Variants in MAP4K4 observed in about 807,000 individuals in gnomAD.
MAP4K4 encodes mitogen-activated protein kinase kinase kinase kinase 4.
In MAP4K4, 38 loss-of-function variants were observed where a neutral mutation model predicts 189.6. The observed-to-expected ratio is 0.20, with a 90% confidence interval of 0.15 to 0.26. The LOEUF (loss-of-function observed/expected upper bound fraction) is 0.26. MAP4K4 is among the 10% of genes least tolerant of loss of function. The pLI is 1.00. For missense variants in MAP4K4, 1,054 were observed against 1,726.9 expected (o/e 0.61, Z 6.91); for synonymous variants, 610 against 624.3 (o/e 0.98, Z 0.34).
chr2:101,769,565 A>T (rs542902981), intron 2 of MAP4K4, among the ~76,000 whole-genome samples: 22 of 152,006 alleles, frequency 1.4e-4, no homozygotes, highest in African/African-American at 5.1e-4. Flanking sequence ...TGTTCTTATG[A>T]TGCTCATCCA....
intron 2 of MAP4K4, among the ~76,000 whole-genome samples, chr2:101,699,507 G>A (rs574267556): frequency 1.3e-5 from 2 of 152,310 alleles, no homozygotes; most frequent in South Asian, 2.1e-4. Flanking sequence ...TCTGCACTGG[G>A]GGAGTGTTCT....
intron 2 of MAP4K4, among the ~76,000 whole-genome samples, chr2:101,703,581 G>A (rs894175712): frequency 2.5e-4 from 31 of 121,712 alleles, no homozygotes; most frequent in Non-Finnish European, 4.9e-4. Flanking sequence ...TCATGGCACT[G>A]CACTCCAGCC....
intron 28 of MAP4K4, among the ~76,000 whole-genome samples, chr2:101,883,092 G>T (rs542675952): frequency 6.6e-6 from 1 of 152,238 alleles, no homozygotes; most frequent in African/African-American, 2.4e-5. Flanking sequence ...TACATGCCAG[G>T]CTTATTCTCC....
intron 2 of MAP4K4, among the ~76,000 whole-genome samples, chr2:101,744,789 A>T (rs2064451343): frequency 6.6e-6 from 1 of 152,172 alleles, no homozygotes; most frequent in Non-Finnish European, 1.5e-5. Context: ...AGTGGCTTAA[A>T]ACAAAATGTA....
chr2:101,828,271 G>T (rs1018592094), intron 5 of MAP4K4, among the ~76,000 whole-genome samples: 7 of 152,186 alleles, frequency 4.6e-5, no homozygotes, highest in Non-Finnish European at 1.0e-4. Flanking sequence ...AAGTTAGAGA[G>T]CAAAAATGAA....
At chr2:101,787,412 T>G (rs538779584) in intron 2 of MAP4K4, among the ~76,000 whole-genome samples, 60 of 152,326 alleles carry the variant, frequency 3.9e-4, no homozygotes, top group Middle Eastern at 3.4e-3. Context: ...ATTTTCATTT[T>G]CTCTTTAAAT....
At chr2:101,830,533 T>C (rs2096565272) in intron 6 of MAP4K4, among the ~76,000 whole-genome samples, 1 of 152,252 alleles carries the variant, frequency 6.6e-6, no homozygotes, top group Non-Finnish European at 1.5e-5. Flanking sequence ...AACCTTTCTT[T>C]TAGAAATCAT....
chr2:101,825,531 A>G (rs1426056241), intron 5 of MAP4K4, 102 bp downstream of exon 5: 6 of 607,460 alleles, frequency 9.9e-6, no homozygotes, highest in Non-Finnish European at 1.7e-5. Context: ...ATATCTATAT[A>G]GATTATTCTC....
At chr2:101,845,991 A>G (rs551021209) in intron 12 of MAP4K4, among the ~76,000 whole-genome samples, 2 of 152,252 alleles carry the variant, frequency 1.3e-5, no homozygotes, top group Admixed American at 1.3e-4. Context: ...TCTTTCATTC[A>G]CTTTGTGTAT....
intron 13 of MAP4K4, among the ~76,000 whole-genome samples, chr2:101,857,221 G>A (rs2097499566): frequency 6.6e-6 from 1 of 152,012 alleles, no homozygotes; most frequent in Non-Finnish European, 1.5e-5. Flanking sequence ...TTTGTGAATA[G>A]CAAGTATTTG....
intron 29 of MAP4K4, 54 bp downstream of exon 29, chr2:101,885,341 A>G: frequency 9.8e-7 from 1 of 1,021,900 alleles, no homozygotes; most frequent in South Asian, 1.5e-5. Context: ...GCTGCAACCA[A>G]GAGTCAGGGA....
intron 2 of MAP4K4, among the ~76,000 whole-genome samples, chr2:101,771,575 T>G (rs1455628155): frequency 1.3e-5 from 2 of 152,162 alleles, no homozygotes; most frequent in East Asian, 3.9e-4. Flanking sequence ...AGGGGGAGGA[T>G]TTTTTCACTT....
chr2:101,824,599 C>T (rs2096270230), intron 4 of MAP4K4, among the ~76,000 whole-genome samples: 1 of 152,086 alleles, frequency 6.6e-6, no homozygotes, highest in South Asian at 2.1e-4. Context: ...AGATCTGTGG[C>T]TATCACATTA....
intron 3 of MAP4K4, among the ~76,000 whole-genome samples, chr2:101,800,987 G>A (rs865978747): frequency 6.6e-6 from 1 of 151,538 alleles, no homozygotes; most frequent in Non-Finnish European, 1.5e-5. Context: ...AAATGGTTGA[G>A]TAAAAAAAAT....
At chr2:101,737,461 A>ATTTT (rs1173208424) in intron 2 of MAP4K4, among the ~76,000 whole-genome samples, 4 of 26,004 alleles carry the variant, frequency 1.5e-4, no homozygotes, top group Non-Finnish European at 1.9e-4. Context: ...ATATATATAT[A>ATTTT]TTTTTTTTTT....
intron 2 of MAP4K4, among the ~76,000 whole-genome samples, chr2:101,741,091 C>T (rs1448640001): frequency 6.6e-6 from 1 of 151,726 alleles, no homozygotes; most frequent in African/African-American, 2.4e-5. Context: ...ACTCTTGGAG[C>T]ACTACTGTAT....
Position 101,832,637 on chromosome 2 carries a change from A to G in MAP4K4, c.639+786A>G, listed in dbSNP as rs546801754. Among the ~76,000 whole-genome samples, 37 of 152,330 alleles carry G rather than the reference A, an allele frequency of 2.4e-4. No individual in the cohort carries two copies. In the South Asian group the frequency reaches 7.0e-3, roughly 29 times the overall value. ...TACTGTGTCATTACTTGTCTCTAAA[A>G]TTTGAAAATGTTTTCCGGCATTCCC... On this transcript the variant is annotated intron_variant, in intron 7 of 32. Transcript: ENST00000324219.
intron 27 of MAP4K4, among the ~76,000 whole-genome samples, chr2:101,879,394 AC>A (rs2098316017): frequency 6.6e-6 from 1 of 151,142 alleles, no homozygotes. Flanking sequence ...ACAAAATGTC[AC>A]CCCCATCTCA....
chr2:101,857,859 A>G (rs1221169428), intron 13 of MAP4K4, among the ~76,000 whole-genome samples: 1 of 152,160 alleles, frequency 6.6e-6, no homozygotes, highest in African/African-American at 2.4e-5. Context: ...ATTGATGGCT[A>G]TTTTTGTTTC....
Sources: gnomAD v4.1 joint callset for allele counts (sites outside exome capture counted in the v4.1 genomes callset) on GRCh38, gnomAD v4.1.1 for gene constraint, MANE v1.5 for transcripts, NCBI Gene and HGNC (gene_info 2026-07-23, HGNC 2026-07-21) for gene names.